CNTN4: variants seen among roughly 807,000 people sequenced by gnomAD.
CNTN4 encodes the protein contactin-4.
In CNTN4, 77 loss-of-function variants were observed where a neutral mutation model predicts 122.5. The observed-to-expected ratio is 0.63, with a 90% confidence interval of 0.52 to 0.76. The LOEUF (loss-of-function observed/expected upper bound fraction) is 0.76, where lower values mean the gene tolerates loss of function less well. Among genes scored for constraint, CNTN4 ranks in the 30% least tolerant of loss-of-function variants. CNTN4 has a pLI of 0.00. For synonymous variants in CNTN4, 512 were observed against 447.0 expected (o/e 1.15, Z -1.83); for missense variants, 1,256 against 1,259.1 (o/e 1.00, Z 0.04).
At chr3:2,705,910 A>G (rs1242802220) in intron 4 of CNTN4, among the ~76,000 whole-genome samples, 2 of 123,142 alleles carry the variant, frequency 1.6e-5, no homozygotes, top group African/African-American at 3.1e-5. Context: ...TATATTATAT[A>G]TAAAATATAT....
At chr3:2,911,965 AT>A (rs1408125596) in intron 12 of CNTN4, among the ~76,000 whole-genome samples, 5 of 152,182 alleles carry the variant, frequency 3.3e-5, no homozygotes, top group Non-Finnish European at 7.3e-5. Flanking sequence ...GTGCAACAAT[AT>A]AAGTGTTATG....
At chr3:2,312,341 C>T (rs1020005887) in intron 2 of CNTN4, among the ~76,000 whole-genome samples, 1 of 152,052 alleles carries the variant, frequency 6.6e-6, no homozygotes, top group Admixed American at 6.6e-5. Flanking sequence ...AGTTTTCATC[C>T]TCCTGAATAA....
At chr3:2,417,264 C>T (rs74880702) in intron 3 of CNTN4, among the ~76,000 whole-genome samples, 2,571 of 152,296 alleles carry the variant, frequency 0.017, 29 homozygotes, top group Non-Finnish European at 0.024. Context: ...ACTGTATCAT[C>T]GTAGACAGTT....
intron 8 of CNTN4, among the ~76,000 whole-genome samples, chr3:2,878,476 T>C (rs925155271): frequency 2.0e-5 from 3 of 151,908 alleles, no homozygotes; most frequent in African/African-American, 7.3e-5. Flanking sequence ...TGGGCTAAGA[T>C]TTGTGAAGGA....
intron 14 of CNTN4, among the ~76,000 whole-genome samples, chr3:2,993,119 T>C (rs965893580): frequency 2.6e-5 from 4 of 152,254 alleles, no homozygotes; most frequent in South Asian, 2.1e-4. Context: ...TGTTAGCTGG[T>C]TGAGAAAAAA....
chr3:2,278,708 C>G (rs898780359), intron 2 of CNTN4, among the ~76,000 whole-genome samples: 6 of 152,116 alleles, frequency 3.9e-5, no homozygotes, highest in African/African-American at 1.4e-4. Context: ...ACCCCTGTGC[C>G]TAATCCTGAA....
At chr3:2,981,428 A>T (rs541190531) in intron 13 of CNTN4, among the ~76,000 whole-genome samples, 1 of 152,054 alleles carries the variant, frequency 6.6e-6, no homozygotes, top group Non-Finnish European at 1.5e-5. Context: ...TGGGCGACAG[A>T]GCGAGACTCC....
chr3:2,125,921 G>GTGTGTGTA (rs1216575432), intron 2 of CNTN4, among the ~76,000 whole-genome samples: 9 of 150,492 alleles, frequency 6.0e-5, no homozygotes, highest in East Asian at 1.9e-4. Flanking sequence ...GTGTGTGTGT[G>GTGTGTGTA]TGTGTGTATG....
chr3:2,879,675 T>C (rs1466057733), intron 8 of CNTN4, among the ~76,000 whole-genome samples: 3 of 151,906 alleles, frequency 2.0e-5, no homozygotes, highest in Non-Finnish European at 2.9e-5. Context: ...AGATTAGAGG[T>C]TTCCCAGGGC....
chr3:2,430,454 A>G (rs533394543), intron 3 of CNTN4, among the ~76,000 whole-genome samples: 1 of 151,430 alleles, frequency 6.6e-6, no homozygotes, highest in African/African-American at 2.4e-5. Context: ...AAATGCAGAA[A>G]TCACCTGTCT....
intron 3 of CNTN4, among the ~76,000 whole-genome samples, chr3:2,522,067 G>T (rs1040996650): frequency 6.6e-6 from 1 of 151,814 alleles, no homozygotes; most frequent in East Asian, 1.9e-4. Flanking sequence ...AGAGCACTTA[G>T]GGGTTTATTT....
At chr3:2,869,691 C>T (rs754987742) in intron 8 of CNTN4, among the ~76,000 whole-genome samples, 4 of 152,302 alleles carry the variant, frequency 2.6e-5, no homozygotes, top group Non-Finnish European at 5.9e-5. Flanking sequence ...CCACCTTGCT[C>T]ACATTATGAT....
intron 2 of CNTN4, among the ~76,000 whole-genome samples, chr3:2,120,375 AT>A (rs2033655989): frequency 4.7e-5 from 4 of 84,878 alleles, no homozygotes; most frequent in African/African-American, 1.3e-4. Flanking sequence ...ATATATATAA[AT>A]ATATATATAT....
At chr3:2,196,156 G>A (rs1490977252) in intron 2 of CNTN4, among the ~76,000 whole-genome samples, 1 of 152,170 alleles carries the variant, frequency 6.6e-6, no homozygotes, top group African/African-American at 2.4e-5. Context: ...AAAGGGAACA[G>A]GCTGGAATTG....
In CNTN4 at chr3:2,530,559, C is replaced by T. The variant is rs2077561046; in HGVS notation, c.-88-40857C>T. Among the ~76,000 whole-genome samples, 6 of 152,216 alleles carry T rather than the reference C, an allele frequency of 3.9e-5. No individual in the cohort carries two copies. The South Asian group carries it at 1.2e-3, about 32-fold the overall frequency. On this transcript the variant is annotated intron_variant, in intron 3 of 24. Transcript: ENST00000418658. ...TCCTGACCTCGTGATCTGCCTGCCTCAGCCTCCCAAAGTGCTGGGATTACA... is the reference window on the plus strand; with the variant it reads ...TCCTGACCTCGTGATCTGCCTGCCTTAGCCTCCCAAAGTGCTGGGATTACA...
intron 16 of CNTN4, among the ~76,000 whole-genome samples, chr3:3,033,818 T>G (rs1689414763): frequency 6.6e-6 from 1 of 152,242 alleles, no homozygotes; most frequent in South Asian, 2.1e-4. Context: ...CCTCTATTTC[T>G]TTATTAGTTT....
At chr3:2,946,294 C>G (rs2094677390) in intron 13 of CNTN4, among the ~76,000 whole-genome samples, 1 of 152,176 alleles carries the variant, frequency 6.6e-6, no homozygotes, top group African/African-American at 2.4e-5. Flanking sequence ...TGGAAAATCC[C>G]TCCTGAACTT....
At chr3:2,844,626 C>G (rs886630108) in intron 7 of CNTN4, among the ~76,000 whole-genome samples, 2 of 152,102 alleles carry the variant, frequency 1.3e-5, no homozygotes, top group Non-Finnish European at 2.9e-5. Flanking sequence ...TGCCATCATA[C>G]CTGCAAAATT....
chr3:2,681,907 T>C (rs1018480590), intron 4 of CNTN4, among the ~76,000 whole-genome samples: 2 of 152,158 alleles, frequency 1.3e-5, no homozygotes, highest in African/African-American at 4.8e-5. Flanking sequence ...ACTTACATTT[T>C]GGAAAAGAAT....
Sources: allele counts gnomAD v4.1 joint callset (sites outside exome capture counted in the v4.1 genomes callset), GRCh38; gene constraint gnomAD v4.1.1; transcripts MANE v1.5; gene names NCBI Gene and HGNC (gene_info 2026-07-23, HGNC 2026-07-21).